ARHGEF1: variants seen among roughly 807,000 people sequenced by gnomAD.
ARHGEF1 encodes Rho guanine nucleotide exchange factor 1, also known as 115 kDa guanine nucleotide exchange factor.
Under a neutral mutation model 119.7 loss-of-function variants are expected in ARHGEF1, and 40 were observed. The ratio of observed to expected loss-of-function variants is 0.33; its 90% confidence interval spans 0.26 to 0.44. ARHGEF1 has a LOEUF of 0.44. Among genes scored for constraint, ARHGEF1 ranks in the 20% least tolerant of loss-of-function variants. The probability of loss-of-function intolerance (pLI) is 1.00; values close to 1 mark genes in which losing one functional copy is unlikely to be tolerated. For synonymous variants in ARHGEF1, 494 were observed against 521.0 expected, an observed-to-expected ratio of 0.95 and a Z score of 0.71; for missense variants, 976 against 1,268.3, an observed-to-expected ratio of 0.77 and a Z score of 3.50.
chr19:41,913,728 C>G (rs953213275), intron 18 of ARHGEF1, among the ~76,000 whole-genome samples: 31 of 150,556 alleles, frequency 2.1e-4, no homozygotes, highest in Admixed American at 2.0e-4. Context: ...AGATATCTTA[C>G]GCCCCTAAGA....
At chr19:41,912,162 C>T (rs1296607494), downstream of ARHGEF1, among the ~76,000 whole-genome samples, 1 of 152,228 alleles carries the variant, frequency 6.6e-6, no homozygotes, top group Non-Finnish European at 1.5e-5. Flanking sequence ...CTCAGATGTG[C>T]ACGTACAAGC....
chr19:41,897,348 G>T (rs925593616), intron 13 of ARHGEF1: 45 of 1,255,840 alleles, frequency 3.6e-5, no homozygotes, highest in East Asian at 6.2e-5. Flanking sequence ...GGCCCTGGGT[G>T]GGGGAAGGGC....
At chr19:41,884,580 C>T (rs2074265463) in intron 1 of ARHGEF1, 5 of 1,541,074 alleles carry the variant, frequency 3.2e-6, no homozygotes, top group Non-Finnish European at 4.4e-6. Context: ...GCCACGTCCC[C>T]CGTAGGATTT....
At chr19:41,929,599 C>T (rs928136925) in intron 2 of ARHGEF1, 2 of 152,702 alleles carry the variant, frequency 1.3e-5, no homozygotes, top group African/African-American at 4.8e-5. Flanking sequence ...ACCCTGCCCT[C>T]TCTCCCGCTT....
In ARHGEF1 at chr19:41,896,399, G is replaced by T. The variant is rs782569367; in HGVS notation, c.1038G>T (p.Leu346=). Residue 346 remains leucine, a synonymous_variant, in exon 13 of 29, where the codon CTG becomes CTT. Transcript: ENST00000354532. ...CAGGTGCTGACGCCCCCCTGGAGCT[G>T]GGGGACTCATCCCCGCAGGGCCCAA... ...REPGADAPLE[L]GDSSPQGPMS... is the part of the protein sequence containing the mutation. 8.3e-6 allele frequency: 12 copies of T among 1,443,328 alleles called. No homozygotes were observed. The highest frequency in any genetic ancestry group is 2.5e-5 in the East Asian group (1 of 39,236). The allele number at this position is 1,443,328 out of a possible 1,614,324, so 89.4% of individuals were successfully genotyped here.
rs1555846312 is a variant in ARHGEF1, at chr19:41,892,123, G to A, written c.324G>A (p.Ala108=). The A allele has an allele frequency of 1.2e-6, 2 of 1,611,906 alleles. No individual in the cohort carries two copies. The highest frequency in any genetic ancestry group is 1.7e-6 in the Non-Finnish European group (2 of 1,178,526). Residue 108 remains alanine, a splice_region_variant and synonymous_variant, in exon 5 of 29, where the codon GCG becomes GCA. Coordinates refer to ENST00000354532, the MANE Select transcript of ARHGEF1 (RefSeq NM_004706.4). This position sits in a 1 kb window ranked among gnomAD's most constrained non-coding sequence, Gnocchi z 6.3. The stretch of plus-strand genomic sequence containing the variant: ...ACCACAGCTTCCTGGAGAAGACAGC[G>A]GTGAGAGACCTTCAAGCTGCCCCAA... The part of the protein sequence containing the change: ...DFYHSFLEKT[A]VLRVPVPPNV...
rs2074400640 is a variant in ARHGEF1, at chr19:41,892,910, C to T, written c.614+61C>T. The T allele has an allele frequency of 6.9e-7, 1 of 1,440,668 alleles. No individual in the cohort carries two copies. The highest frequency in any genetic ancestry group is 9.1e-7 in the Non-Finnish European group (1 of 1,098,422). The allele number at this position is 1,440,668 out of a possible 1,614,324, so 89.2% of individuals were successfully genotyped here. A position where few individuals can be genotyped will look rare whatever the true frequency, so the allele number is the denominator to read the frequency against. On this transcript the variant is annotated intron_variant, in intron 7 of 28. Coordinates refer to ENST00000354532, the MANE Select transcript of ARHGEF1 (RefSeq NM_004706.4). This position sits in a 1 kb window ranked among gnomAD's most constrained non-coding sequence, Gnocchi z 6.3. ...CCCCAGCACAAGGGCACCCGTGCTACCTCTGGCATGTTCCATCCCGTTTGC... is the reference window on the plus strand; with the variant it reads ...CCCCAGCACAAGGGCACCCGTGCTATCTCTGGCATGTTCCATCCCGTTTGC...
At position 41,904,962 on chromosome 19, in the gene ARHGEF1, C is replaced by T. The variant is rs1555849813; in HGVS notation, c.2175C>T (p.Phe725=). ...CTCTCCCTGCAGATCACAAAGCCTT[C>T]TACGTCCTTTTTACCTGGGACCAGG... ...TREVATDHKA[F]YVLFTWDQEA... is the part of the protein sequence containing the mutation. Residue 725 remains phenylalanine (F), a synonymous_variant, in exon 23 of 29, where the codon TTC becomes TTT. Coordinates refer to ENST00000354532, the MANE Select transcript of ARHGEF1 (RefSeq NM_004706.4). The surrounding 1 kb of genome is among the most constrained non-coding windows in gnomAD (Gnocchi z 8.4). 1 of 1,614,104 alleles carries T rather than the reference C, an allele frequency of 6.2e-7. No individual in the cohort carries two copies. Among genetic ancestry groups the T allele is most frequent in the East Asian group, 2.2e-5 (1 of 44,876 alleles).
intron 1 of ARHGEF1, among the ~76,000 whole-genome samples, chr19:41,926,780 C>A (rs1465677132): frequency 1.3e-5 from 2 of 152,212 alleles, no homozygotes; most frequent in Non-Finnish European, 2.9e-5. Flanking sequence ...CTCTTAATCT[C>A]CAGAGCGACC....
upstream of ARHGEF1, among the ~76,000 whole-genome samples, chr19:41,918,705 A>T (rs1199316224): frequency 8.3e-5 from 12 of 144,712 alleles, no homozygotes; most frequent in Admixed American, 8.2e-4. Context: ...TCCGCCACAC[A>T]CCACACACAC....
At position 41,902,402 on chromosome 19, in the gene ARHGEF1, T is replaced by G. The variant is rs782634711; in HGVS notation, c.1497+46T>G. On this transcript the variant is annotated intron_variant, in intron 16 of 28. Coordinates refer to ENST00000354532, the MANE Select transcript of ARHGEF1 (RefSeq NM_004706.4). This position sits in a 1 kb window ranked among gnomAD's most constrained non-coding sequence, Gnocchi z 6.5. The stretch of plus-strand genomic sequence containing the variant: ...GCTCCTCCCAGCTAGACACATGGAA[T>G]TCAGGCCCGGGACGGGTCCTGAGCC... The G allele has an allele frequency of 6.8e-6, 11 of 1,612,978 alleles. No homozygotes were observed. The Admixed American group carries it at 8.3e-5, about 12-fold the overall frequency.
At position 41,888,325 on chromosome 19, in the gene ARHGEF1, C is replaced by T; in HGVS notation, c.111+47C>T. 1 of 1,583,968 alleles carries T rather than the reference C, an allele frequency of 6.3e-7. No individual in the cohort carries two copies. The highest frequency in any genetic ancestry group is 8.6e-7 in the Non-Finnish European group (1 of 1,157,820). ...AAAGCTCTGTCCCAGGCTCAGTGTC[C>T]CGCCCCAGGTCCCCTCCCACCTGCA... On this transcript the variant is annotated intron_variant, in intron 3 of 28. Transcript: ENST00000354532. The surrounding 1 kb of genome is among the most constrained non-coding windows in gnomAD (Gnocchi z 5.1).
intron 18 of ARHGEF1, among the ~76,000 whole-genome samples, chr19:41,914,576 T>TCC (rs2074777139): frequency 3.5e-5 from 1 of 28,436 alleles, no homozygotes; most frequent in African/African-American, 1.4e-4. Context: ...TCTGTCTCCG[T>TCC]CTCTCCCTCC....
Position 41,892,255 on chromosome 19 carries a change from G to A in ARHGEF1, c.325-76G>A. The A allele has an allele frequency of 6.3e-7, 1 of 1,598,650 alleles. No homozygotes were observed. The highest frequency in any genetic ancestry group is 1.7e-5 in the Admixed American group (1 of 59,878). On this transcript the variant is annotated intron_variant, in intron 5 of 28. Transcript: ENST00000354532. The surrounding 1 kb of genome is among the most constrained non-coding windows in gnomAD (Gnocchi z 6.3). ...TCCCCAGCACCCTCGCTTAGACCAG[G>A]GTTCCTGGCAGTCCTCCCGGCCTGC...
At chr19:41,925,375 C>G (rs574774179) in intron 1 of ARHGEF1, among the ~76,000 whole-genome samples, 1 of 151,918 alleles carries the variant, frequency 6.6e-6, no homozygotes, top group Non-Finnish European at 1.5e-5. Flanking sequence ...TGTGGGAAAA[C>G]AGGTATACAG....
rs1311254418 is a variant in ARHGEF1, at chr19:41,903,476, G to T, written c.1839+69G>T. ...AGAGCAGGGGGTGGACCCTACCTCAGCCTGTCCAGAAGTCACACCCCACCC... is the reference window on the plus strand; with the variant it reads ...AGAGCAGGGGGTGGACCCTACCTCATCCTGTCCAGAAGTCACACCCCACCC... On this transcript the variant is annotated intron_variant, in intron 19 of 28. Transcript: ENST00000354532. The surrounding 1 kb of genome is among the most constrained non-coding windows in gnomAD (Gnocchi z 4.2). 3.4e-6 allele frequency: 5 copies of T among 1,477,692 alleles called. No individual in the cohort carries two copies. In the African/African-American group the frequency reaches 5.6e-5, roughly 16 times the overall value. The allele number at this position is 1,477,692 out of a possible 1,614,324, so 91.5% of individuals were successfully genotyped here.
upstream of ARHGEF1, among the ~76,000 whole-genome samples, chr19:41,918,800 T>C: frequency 7.6e-6 from 1 of 131,388 alleles, no homozygotes; most frequent in African/African-American, 3.0e-5. Flanking sequence ...ATACACACCA[T>C]ACACACACAC....
downstream of ARHGEF1, chr19:41,908,706 G>T: frequency 1.7e-6 from 2 of 1,170,042 alleles, no homozygotes; most frequent in Non-Finnish European, 2.1e-6. This position sits in a 1 kb window ranked among gnomAD's most constrained non-coding sequence, Gnocchi z 6.7. Context: ...GTCAGGCTGG[G>T]GCACCTGCCT....
intron 1 of ARHGEF1, chr19:41,928,051 T>C: frequency 6.6e-6 from 1 of 152,158 alleles, no homozygotes; most frequent in Non-Finnish European, 1.5e-5. Flanking sequence ...TTCTGGGCTT[T>C]TCGCATCCGC....
Sources: allele counts gnomAD v4.1 joint callset (sites outside exome capture counted in the v4.1 genomes callset), GRCh38; gene constraint gnomAD v4.1.1; non-coding constraint Gnocchi (gnomAD v3.1); transcripts MANE v1.5; gene names NCBI Gene and HGNC (gene_info 2026-07-23, HGNC 2026-07-21).